DACH2: variants seen among roughly 807,000 people sequenced by gnomAD.
DACH2 encodes the protein dachshund homolog 2.
DACH2 carries 17 observed loss-of-function variants against 35.8 expected under a neutral mutation model. That is an observed-to-expected ratio of 0.48 (90% CI 0.33 to 0.71). The LOEUF is 0.71. Among genes scored for constraint, DACH2 ranks in the 30% least tolerant of loss-of-function variants. The probability of loss-of-function intolerance (pLI) is 0.02; values close to 1 mark genes in which losing one functional copy is unlikely to be tolerated. For missense variants in DACH2, 469 were observed against 472.7 expected (o/e 0.99, Z 0.07); for synonymous variants, 195 against 177.3 (o/e 1.10, Z -0.79).
rs1450347482 is a variant in DACH2, at chrX:86,396,214, C to T, written c.527+19352C>T. Among the ~76,000 whole-genome samples the T allele has an allele frequency of 9.5e-3, 1,045 of 109,847 alleles. 7 individuals are homozygous for T. Among genetic ancestry groups the T allele is most frequent in the Non-Finnish European group, 0.016 (841 of 52,597 alleles). ...TTGAGAAGTGTCTGTTCATGTCCTT[C>T]GCCCGCTTTTTGATGGGGTTGTTTG... On this transcript the variant is annotated intron_variant, in intron 2 of 11. Coordinates refer to ENST00000373125, the MANE Select transcript of DACH2 (RefSeq NM_053281.3).
intron 1 of DACH2, among the ~76,000 whole-genome samples, chrX:86,349,706 A>G (rs2035560798): frequency 8.9e-6 from 1 of 112,253 alleles, no homozygotes; most frequent in African/African-American, 3.2e-5. Flanking sequence ...TTATACATCA[A>G]ATTGATCTCA....
At chrX:86,459,247 A>T (rs2037527151) in intron 2 of DACH2, among the ~76,000 whole-genome samples, 1 of 111,429 alleles carries the variant, frequency 9.0e-6, no homozygotes, top group African/African-American at 3.3e-5. Flanking sequence ...TGTTAAGCCT[A>T]AGTTGTGCAT....
chrX:86,725,672 G>A (rs993651529), intron 6 of DACH2, among the ~76,000 whole-genome samples: 38 of 111,140 alleles, frequency 3.4e-4, no homozygotes, highest in Non-Finnish European at 5.5e-4. Context: ...TGGCAGTGGT[G>A]GGCCATGCAT....
At chrX:86,798,203 T>A (rs767411678) in intron 7 of DACH2, among the ~76,000 whole-genome samples, 119 of 112,153 alleles carry the variant, frequency 1.1e-3, no homozygotes, top group African/African-American at 3.8e-3. Flanking sequence ...AAACTCCAAA[T>A]GAATCATTAC....
At chrX:86,432,485 C>T (rs1483294033) in intron 2 of DACH2, among the ~76,000 whole-genome samples, 5 of 111,745 alleles carry the variant, frequency 4.5e-5, no homozygotes, top group Admixed American at 1.9e-4. Context: ...CTGTAATGCA[C>T]GTTGATAACA....
At chrX:86,730,785 G>A (rs771804506) in intron 6 of DACH2, among the ~76,000 whole-genome samples, 14 of 111,750 alleles carry the variant, frequency 1.3e-4, no homozygotes, top group Non-Finnish European at 2.4e-4. Context: ...CAGGGTTTCT[G>A]AGTTATAAAA....
intron 1 of DACH2, among the ~76,000 whole-genome samples, chrX:86,229,207 C>G (rs2032894528): frequency 8.9e-6 from 1 of 111,801 alleles, no homozygotes; most frequent in South Asian, 3.7e-4. Context: ...ATCCCAGCAC[C>G]ATTTGTTGAA....
intron 4 of DACH2, among the ~76,000 whole-genome samples, chrX:86,652,305 C>G (rs1602742206): frequency 8.9e-6 from 1 of 112,352 alleles, no homozygotes; most frequent in East Asian, 2.8e-4. Context: ...GCATAGTATT[C>G]CATGGTGCAC....
intron 1 of DACH2, among the ~76,000 whole-genome samples, chrX:86,281,281 G>A (rs946005240): frequency 8.1e-5 from 9 of 111,058 alleles, no homozygotes; most frequent in South Asian, 3.8e-4. Flanking sequence ...ATCCAGCAGC[G>A]CATTAAAAAG....
intron 2 of DACH2, among the ~76,000 whole-genome samples, chrX:86,424,276 C>T (rs151136383): frequency 9.1e-5 from 10 of 110,419 alleles, no homozygotes; most frequent in Non-Finnish European, 1.5e-4. Context: ...GCTTTGTGTA[C>T]TATGGACATT....
intron 3 of DACH2, among the ~76,000 whole-genome samples, chrX:86,647,355 A>G (rs1465920422): frequency 1.8e-5 from 2 of 111,148 alleles, no homozygotes; most frequent in Non-Finnish European, 3.8e-5. Flanking sequence ...TTTTACAAAG[A>G]ATGAAATCTT....
chrX:86,535,709 A>G (rs1379484554), intron 3 of DACH2, among the ~76,000 whole-genome samples: 1 of 110,352 alleles, frequency 9.1e-6, no homozygotes, highest in African/African-American at 3.3e-5. Context: ...TCTGACAGAG[A>G]GAAAAAAAAA....
chrX:86,460,476 G>A (rs1176304172), intron 2 of DACH2, among the ~76,000 whole-genome samples: 2 of 110,283 alleles, frequency 1.8e-5, no homozygotes, highest in Admixed American at 9.7e-5. Context: ...TTCATTTTTA[G>A]AAATATAACC....
intron 1 of DACH2, among the ~76,000 whole-genome samples, chrX:86,180,786 A>G (rs907007298): frequency 8.0e-5 from 9 of 112,034 alleles, no homozygotes; most frequent in Non-Finnish European, 1.5e-4. Flanking sequence ...TAATCTATTT[A>G]TTTTGATAAT....
chrX:86,480,566 T>G (rs753258165), intron 2 of DACH2, among the ~76,000 whole-genome samples: 2 of 111,864 alleles, frequency 1.8e-5, no homozygotes, highest in Non-Finnish European at 1.9e-5. Flanking sequence ...GAGTGGCAAG[T>G]TCCCCCAGGC....
At chrX:86,289,493 C>T (rs1177309930) in intron 1 of DACH2, among the ~76,000 whole-genome samples, 1 of 107,590 alleles carries the variant, frequency 9.3e-6, no homozygotes, top group Non-Finnish European at 1.9e-5. Context: ...CATATGTATA[C>T]ATGTGACAAG....
Position 86,368,927 on chromosome X carries a change from AC to A in DACH2, c.489-7896del, listed in dbSNP as rs1336264825. Among the ~76,000 whole-genome samples the A allele has an allele frequency of 4.5e-5, 5 of 111,150 alleles. No homozygotes were observed. The Admixed American group carries it at 4.8e-4, about 11-fold the overall frequency. On this transcript the variant is annotated intron_variant, in intron 1 of 11. Transcript: ENST00000373125. ...ATAAAACAGTAATTCAGTCATATTC[AC>A]ATAGATAAATATTAACAAGAAGTGG...
intron 3 of DACH2, among the ~76,000 whole-genome samples, chrX:86,516,485 A>G (rs1462514720): frequency 9.0e-6 from 1 of 111,641 alleles, no homozygotes; most frequent in African/African-American, 3.3e-5. Flanking sequence ...TTTAATCTTC[A>G]TAGTAGCCTT....
intron 6 of DACH2, among the ~76,000 whole-genome samples, chrX:86,723,334 AT>A (rs60142099): frequency 2.5e-4 from 24 of 96,377 alleles, no homozygotes; most frequent in South Asian, 9.3e-4. Context: ...CCTTCTGCTA[AT>A]TTTTTTTTTT....
Sources: gnomAD v4.1 joint callset for allele counts (sites outside exome capture counted in the v4.1 genomes callset) on GRCh38, gnomAD v4.1.1 for gene constraint, MANE v1.5 for transcripts, NCBI Gene and HGNC (gene_info 2026-07-23, HGNC 2026-07-21) for gene names.